Variants in SVIP observed in about 807,000 individuals in gnomAD.
The protein encoded by SVIP is small VCP interacting protein, also known as small VCP/p97-interacting protein.
A neutral mutation model predicts 12.9 loss-of-function variants in SVIP; 14 were observed. The ratio of observed to expected loss-of-function variants is 1.08; its 90% CI spans 0.72 to 1.70. The LOEUF (loss-of-function observed/expected upper bound fraction) is 1.70, where lower values mean the gene tolerates loss of function less well. Among genes scored for constraint, SVIP ranks in the 40% most tolerant of loss-of-function variants. SVIP has a pLI of 0.00. For synonymous variants in SVIP, 35 were observed against 33.3 expected (o/e 1.05, Z -0.17); for missense variants, 93 against 90.8 (o/e 1.02, Z -0.10).
rs780103291 is a variant in SVIP at position 22,827,310 on chromosome 11, C to T, written c.116G>A (p.Arg39Gln). Residue 39 changes from arginine (R) to glutamine (Q), a missense_variant, in exon 3 of 4, where the codon CGG becomes CAG. Coordinates refer to ENST00000354193, the MANE Select transcript of SVIP (RefSeq NM_148893.3). ...AERRQKEAAS[R>Q]GILDVQSVQE... ...CACAGATTGAACATCTAAAATTCCCCGAGATGCAGCCTTGAAGAAATTTGA... is the reference window on the plus strand; with the variant it reads ...CACAGATTGAACATCTAAAATTCCCTGAGATGCAGCCTTGAAGAAATTTGA... 23 of 1,595,078 alleles carry T rather than the reference C, an allele frequency of 1.4e-5. No individual in the cohort carries two copies. In the South Asian group the frequency reaches 2.1e-4, roughly 14 times the overall value.
intron 1 of SVIP, 29 bp downstream of exon 1, chr11:22,829,666 C>CGG (rs1857881096): frequency 6.4e-7 from 1 of 1,566,624 alleles, no homozygotes; most frequent in Admixed American, 1.9e-5. Flanking sequence ...AGGCGCGGCC[C>CGG]GGCGGACGCA....
chr11:22,827,906 TAACA>T, intron 1 of SVIP, 32 bp from the exon 2 acceptor site: 1 of 1,404,840 alleles, frequency 7.1e-7, no homozygotes, highest in Non-Finnish European at 9.6e-7. Flanking sequence ...TGTATTAAAA[TAACA>T]AACATTATTA....
intron 1 of SVIP, among the ~76,000 whole-genome samples, chr11:22,828,166 T>C (rs1488928450): frequency 6.6e-6 from 1 of 152,288 alleles, no homozygotes; most frequent in South Asian, 2.1e-4. Context: ...AAACAAATAA[T>C]GTTTACAAAT....
chr11:22,829,679 G>A lies in SVIP; in HGVS notation c.54+16C>T, dbSNP rs1462911850. 2 of 1,588,596 alleles carry A rather than the reference G, an allele frequency of 1.3e-6. No individual in the cohort carries two copies. The highest frequency in any genetic ancestry group is 1.1e-5 in the South Asian group (1 of 87,020). ...CAAGGCGCGGCCCGGCGGACGCAGGGACCTGCTCTACTCACCAGGTCCGGC... is the reference window on the plus strand; with the variant it reads ...CAAGGCGCGGCCCGGCGGACGCAGGAACCTGCTCTACTCACCAGGTCCGGC... On this transcript the variant is annotated intron_variant, in intron 1 of 3. Transcript: ENST00000354193.
intron 2 of SVIP, 70 bp downstream of exon 2, chr11:22,827,754 A>G: frequency 8.0e-7 from 1 of 1,256,064 alleles, no homozygotes; most frequent in Non-Finnish European, 1.1e-6. Flanking sequence ...AAATCTAGCT[A>G]TGGACATCTA....
At chr11:22,824,435 T>C (rs75271149) in intron 3 of SVIP, among the ~76,000 whole-genome samples, 3,742 of 74,224 alleles carry the variant, frequency 0.05, 88 homozygotes, top group African/African-American at 0.11. Context: ...TATATATATA[T>C]ACACACACAC....
intron 1 of SVIP, chr11:22,829,386 ACGC>A: frequency 3.1e-6 from 1 of 317,876 alleles, no homozygotes; most frequent in Non-Finnish European, 5.8e-6. Flanking sequence ...CCCACGCGTA[ACGC>A]CCTCTGCGTG....
rs1857535209 is a variant in SVIP at position 22,822,915 on chromosome 11, G to A, written c.*204C>T. On this transcript the variant is annotated 3_prime_UTR_variant, in exon 4 of 4. Transcript: ENST00000354193. ...ACCCACTAACTGCAGAAGAGCAAAT[G>A]TAGGAAAATCAGTATTTAATGAAAA... 6 of 502,244 alleles carry A rather than the reference G, an allele frequency of 1.2e-5. 1 individual carries two copies. The highest frequency in any genetic ancestry group is 6.2e-5 in the South Asian group (2 of 32,494). 31.1% of individuals were successfully genotyped at this position (502,244 alleles called of 1,614,324 possible).
At position 22,821,448 on chromosome 11, in the gene SVIP, G is replaced by C. The variant is rs548293210; in HGVS notation, c.*1671C>G. The stretch of plus-strand genomic sequence containing the variant: ...TGGGTATGACCTGCTGGTAGAAATA[G>C]GGCATGATTCCCTGGAAGTAAGTCA... On this transcript the variant is annotated 3_prime_UTR_variant, in exon 4 of 4. Coordinates refer to ENST00000354193, the MANE Select transcript of SVIP (RefSeq NM_148893.3). 1.3e-5 allele frequency: 2 copies of C among 152,106 alleles called. No homozygotes were observed. The highest frequency in any genetic ancestry group is 4.1e-4 in the South Asian group (2 of 4,820). 9.4% of individuals were successfully genotyped at this position (152,106 alleles called of 1,614,324 possible).
At chr11:22,826,090 T>C (rs1252062053) in intron 3 of SVIP, among the ~76,000 whole-genome samples, 1 of 152,200 alleles carries the variant, frequency 6.6e-6, no homozygotes, top group Non-Finnish European at 1.5e-5. Context: ...AGCAAAATGG[T>C]CAGACTTATT....
At position 22,827,225 on chromosome 11, in the gene SVIP, T is replaced by G; in HGVS notation, c.201A>C (p.Pro67=). The change falls in exon 3 of 4, where the codon CCA becomes CCC. Residue 67 remains proline (P), a synonymous_variant. Coordinates refer to ENST00000354193, the MANE Select transcript of SVIP (RefSeq NM_148893.3). ...IEKQIATSGP[P]PEGGLRWTVS is the part of the protein sequence containing the mutation. The stretch of plus-strand genomic sequence containing the variant: ...TACTTACCCTAAGTCCACCTTCTGG[T>G]GGGGGCCCGGATGTAGCAATTTGTT... 6.2e-7 allele frequency: 1 copy of G among 1,610,002 alleles called. No homozygotes were observed. The highest frequency in any genetic ancestry group is 1.1e-5 in the South Asian group (1 of 90,302).
At position 22,828,657 on chromosome 11, in the gene SVIP, G is replaced by A. The variant is rs961169686; in HGVS notation, c.55-783C>T. 2.0e-5 allele frequency among the ~76,000 whole-genome samples: 3 copies of A among 152,164 alleles called. No individual in the cohort carries two copies. In the South Asian group the frequency reaches 6.2e-4, roughly 32 times the overall value. ...GGAAGAGGGTATAGTATGAGGATGG[G>A]GGGGAGGGCTTAACAAATCTGACAT... On this transcript the variant is annotated intron_variant, in intron 1 of 3. Transcript: ENST00000354193.
In SVIP at chr11:22,823,049, TTGA is replaced by T; in HGVS notation, c.*67_*69del. ...ATTTACTCAAAGAGAAGAAATTAAA[TTGA>T]TGAAGCCCACTTGATTGCAGATAAT... On this transcript the variant is annotated 3_prime_UTR_variant, in exon 4 of 4. Transcript: ENST00000354193. 1 of 1,325,406 alleles carries T rather than the reference TTGA, an allele frequency of 7.5e-7. No individual in the cohort carries two copies. The highest frequency in any genetic ancestry group is 1.3e-5 in the South Asian group (1 of 74,514). The allele number at this position is 1,325,406 out of a possible 1,614,324, so 82.1% of individuals were successfully genotyped here.
intron 3 of SVIP, among the ~76,000 whole-genome samples, chr11:22,823,806 C>T (rs572422231): frequency 6.6e-6 from 1 of 152,330 alleles, no homozygotes; most frequent in South Asian, 2.1e-4. Context: ...CTCACTGCAG[C>T]CTTAACCTCG....
intron 1 of SVIP, among the ~76,000 whole-genome samples, chr11:22,828,552 G>A (rs1189612983): frequency 6.6e-6 from 1 of 152,114 alleles, no homozygotes; most frequent in Non-Finnish European, 1.5e-5. Flanking sequence ...GTATTGTGGG[G>A]AATATATTTT....
rs1857533121 is a variant in SVIP at position 22,822,859 on chromosome 11, AT to A, written c.*259del. On this transcript the variant is annotated 3_prime_UTR_variant, in exon 4 of 4. Transcript: ENST00000354193. The stretch of plus-strand genomic sequence containing the variant: ...GTATGTATATTCACTATTTAGTTCC[AT>A]TTTTTAACTACTAAGAAAAATAGCA... 2 of 430,418 alleles carry A rather than the reference AT, an allele frequency of 4.6e-6. No individual in the cohort carries two copies. The highest frequency in any genetic ancestry group is 4.1e-5 in the Admixed American group (1 of 24,120). 26.7% of individuals were successfully genotyped at this position (430,418 alleles called of 1,614,324 possible).
chr11:22,826,782 G>A lies in SVIP; in HGVS notation c.219+425C>T, dbSNP rs547070501. ...AAGATCAAAGATTCCAAATCAATGC[G>A]TAAAAGAGCTCAGGCCATAAAACAG... On this transcript the variant is annotated intron_variant, in intron 3 of 3. Coordinates refer to ENST00000354193, the MANE Select transcript of SVIP (RefSeq NM_148893.3). 7.9e-5 allele frequency among the ~76,000 whole-genome samples: 12 copies of A among 152,148 alleles called. 1 individual carries two copies. Among genetic ancestry groups the A allele is most frequent in the Admixed American group, 5.2e-4 (8 of 15,292 alleles).
intron 1 of SVIP, 63 bp downstream of exon 1, chr11:22,829,632 C>G (rs1857877281): frequency 1.3e-6 from 2 of 1,508,904 alleles, no homozygotes; most frequent in Non-Finnish European, 1.8e-6. Flanking sequence ...TCGGCCCGCC[C>G]CGCAACCCGA....
Position 22,821,004 on chromosome 11 carries a change from GTTATT to G in SVIP, c.*2110_*2114del, listed in dbSNP as rs1857460387. The G allele has an allele frequency of 6.6e-6, 1 of 151,148 alleles. No homozygotes were observed. Among genetic ancestry groups the G allele is most frequent in the Non-Finnish European group, 1.5e-5 (1 of 67,798 alleles). The allele number at this position is 151,148 out of a possible 1,614,324, so 9.4% of individuals were successfully genotyped here. On this transcript the variant is annotated 3_prime_UTR_variant, in exon 4 of 4. Transcript: ENST00000354193. ...CTTAAGGTTTTCATAGAAACTGATG[GTTATT>G]TTATGAGGGAGATGTCTGGACGTAT... is the stretch of plus-strand genomic sequence containing the variant.
Sources: gnomAD v4.1 joint callset for allele counts (sites outside exome capture counted in the v4.1 genomes callset) on GRCh38, gnomAD v4.1.1 for gene constraint, MANE v1.5 for transcripts, NCBI Gene and HGNC (gene_info 2026-07-23, HGNC 2026-07-21) for gene names.